The following PKNOX2 variants were observed in gnomAD, a reference collection of about 807,000 sequenced individuals.
PKNOX2 encodes the protein homeobox protein PKNOX2.
A neutral mutation model predicts 53.1 loss-of-function variants in PKNOX2; 14 were observed. The observed-to-expected ratio is 0.26, with a 90% CI of 0.17 to 0.41. PKNOX2 has a LOEUF of 0.41. PKNOX2 is among the 10% of genes least tolerant of loss of function. PKNOX2 has a pLI of 1.00. For synonymous variants in PKNOX2, 257 were observed against 242.8 expected, an observed-to-expected ratio of 1.06 and a Z score of -0.54; for missense variants, 496 against 602.8, an observed-to-expected ratio of 0.82 and a Z score of 1.85.
chr11:125,418,311 T>C (rs916640833), intron 10 of PKNOX2, among the ~76,000 whole-genome samples: 2 of 152,126 alleles, frequency 1.3e-5, no homozygotes, highest in African/African-American at 4.8e-5. Context: ...GCATATTCCA[T>C]GGTACAGATG....
At chr11:125,344,388 T>A (rs1292591470) in intron 3 of PKNOX2, among the ~76,000 whole-genome samples, 3 of 152,122 alleles carry the variant, frequency 2.0e-5, no homozygotes, top group Non-Finnish European at 4.4e-5. Context: ...GGGGGTTGGA[T>A]GGGAAGGGTC....
intron 10 of PKNOX2, among the ~76,000 whole-genome samples, chr11:125,417,280 ATCTG>A (rs908967900): frequency 6.6e-6 from 1 of 151,874 alleles, no homozygotes; most frequent in African/African-American, 2.4e-5. Flanking sequence ...CAAATATGAC[ATCTG>A]TCTGTGCTGC....
chr11:125,336,989 C>T (rs1360480573), intron 3 of PKNOX2, among the ~76,000 whole-genome samples: 4 of 149,760 alleles, frequency 2.7e-5, no homozygotes, highest in African/African-American at 7.3e-5. Flanking sequence ...TACTTTTATA[C>T]TGTATATAAT....
At chr11:125,381,524 C>G (rs943038496) in intron 5 of PKNOX2, among the ~76,000 whole-genome samples, 1 of 152,122 alleles carries the variant, frequency 6.6e-6, no homozygotes, top group African/African-American at 2.4e-5. Flanking sequence ...GATATGCCCC[C>G]ACATACATAC....
At chr11:125,221,308 G>A (rs1040512593) in intron 1 of PKNOX2, among the ~76,000 whole-genome samples, 1 of 152,180 alleles carries the variant, frequency 6.6e-6, no homozygotes, top group Non-Finnish European at 1.5e-5. Context: ...CAGTGGGAGA[G>A]GTGGATGGGA....
At chr11:125,408,349 C>T (rs933868138) in intron 7 of PKNOX2, among the ~76,000 whole-genome samples, 5 of 152,194 alleles carry the variant, frequency 3.3e-5, no homozygotes, top group Non-Finnish European at 5.9e-5. Flanking sequence ...ACGGGCTAGG[C>T]GGCTCCCACG....
At chr11:125,252,525 T>G (rs1042296705) in intron 2 of PKNOX2, among the ~76,000 whole-genome samples, 1 of 152,154 alleles carries the variant, frequency 6.6e-6, no homozygotes, top group Non-Finnish European at 1.5e-5. Flanking sequence ...GAGAGACCTG[T>G]GTACCTTTAT....
chr11:125,269,264 C>G (rs1033466752), intron 2 of PKNOX2, among the ~76,000 whole-genome samples: 3 of 152,096 alleles, frequency 2.0e-5, no homozygotes, highest in East Asian at 1.9e-4. Flanking sequence ...TCCACCTCCC[C>G]CTAGGCCCAG....
rs1174719655 is a variant in PKNOX2 at position 125,422,777 on chromosome 11, A to G, written c.937-6235A>G. 2.0e-5 allele frequency among the ~76,000 whole-genome samples: 3 copies of G among 152,306 alleles called. No homozygotes were observed. The highest frequency in any genetic ancestry group is 1.9e-4 in the East Asian group (1 of 5,174). Reference sequence around the variant, plus strand: ...GCATTCCCCAAGAAGCTTAAGACTCAGGTTAGGATAAAATGTCCCCATCAT... The same window carrying G: ...GCATTCCCCAAGAAGCTTAAGACTCGGGTTAGGATAAAATGTCCCCATCAT... On this transcript the variant is annotated intron_variant, in intron 10 of 12. Coordinates refer to ENST00000298282, the MANE Select transcript of PKNOX2 (RefSeq NM_001382323.2). The surrounding 1 kb of genome is among the most constrained non-coding windows in gnomAD (Gnocchi z 4.1).
At chr11:125,261,196 G>T (rs1356267761) in intron 2 of PKNOX2, among the ~76,000 whole-genome samples, 1 of 152,114 alleles carries the variant, frequency 6.6e-6, no homozygotes, top group Non-Finnish European at 1.5e-5. Flanking sequence ...CTGGTGAGGG[G>T]GAAAAGGGAT....
At chr11:125,372,833 A>G (rs1952629633) in intron 5 of PKNOX2, among the ~76,000 whole-genome samples, 1 of 152,204 alleles carries the variant, frequency 6.6e-6, no homozygotes, top group African/African-American at 2.4e-5. Context: ...CATCTCCCAC[A>G]CATCACAAGC....
chr11:125,433,121 C>CT lies in PKNOX2; in HGVS notation c.*1733dup, dbSNP rs914305501. 3 of 152,644 alleles carry CT rather than the reference C, an allele frequency of 2.0e-5. No individual in the cohort carries two copies. The highest frequency in any genetic ancestry group is 6.5e-5 in the Admixed American group (1 of 15,284). The allele number at this position is 152,644 out of a possible 1,614,324, so 9.5% of individuals were successfully genotyped here. A position where few individuals can be genotyped will look rare whatever the true frequency, so the allele number is the denominator to read the frequency against. On this transcript the variant is annotated 3_prime_UTR_variant, in exon 13 of 13. Coordinates refer to ENST00000298282, the MANE Select transcript of PKNOX2 (RefSeq NM_001382323.2). ...AAAGTCTAGCTTTTTTGGCGTGAGA[C>CT]TTTTGCAATGTGCAGTGGGATAAAA...
At chr11:125,283,775 A>AGT (rs1396643408) in intron 2 of PKNOX2, among the ~76,000 whole-genome samples, 3 of 152,208 alleles carry the variant, frequency 2.0e-5, no homozygotes, top group Admixed American at 6.5e-5. Context: ...GGTGGTGGGG[A>AGT]GTGGGGAAGA....
At chr11:125,230,485 T>C (rs549369334) in intron 1 of PKNOX2, among the ~76,000 whole-genome samples, 3 of 152,320 alleles carry the variant, frequency 2.0e-5, no homozygotes, top group Admixed American at 2.0e-4. Flanking sequence ...TGTTTGCTCC[T>C]GGAATGGCCC....
chr11:125,272,360 G>A (rs189673507), intron 2 of PKNOX2, among the ~76,000 whole-genome samples: 2 of 152,336 alleles, frequency 1.3e-5, no homozygotes, highest in East Asian at 3.9e-4. Flanking sequence ...GCTAAGCACA[G>A]GCACACATAT....
chr11:125,353,521 A>T (rs1387325658), intron 4 of PKNOX2, among the ~76,000 whole-genome samples: 1 of 152,216 alleles, frequency 6.6e-6, no homozygotes, highest in Non-Finnish European at 1.5e-5. Context: ...GCCCCCCAGA[A>T]GTCACCACTG....
At chr11:125,178,612 A>G (rs1372944051) in intron 1 of PKNOX2, among the ~76,000 whole-genome samples, 1 of 51,990 alleles carries the variant, frequency 1.9e-5, no homozygotes, top group African/African-American at 1.3e-4. Context: ...GAAGGAAGGA[A>G]AGAAAGAAAG....
At chr11:125,276,594 G>T (rs1230859427) in intron 2 of PKNOX2, among the ~76,000 whole-genome samples, 2 of 152,188 alleles carry the variant, frequency 1.3e-5, no homozygotes, top group Non-Finnish European at 2.9e-5. Context: ...TTGATGGGAA[G>T]ATGGGGTAGT....
At chr11:125,274,376 G>C (rs1029538125) in intron 2 of PKNOX2, among the ~76,000 whole-genome samples, 2 of 152,174 alleles carry the variant, frequency 1.3e-5, no homozygotes, top group African/African-American at 2.4e-5. Flanking sequence ...TCGCTGAGGG[G>C]TTGTGTTCCC....
Sources: gnomAD v4.1 joint callset for allele counts (sites outside exome capture counted in the v4.1 genomes callset) on GRCh38, gnomAD v4.1.1 for gene constraint, Gnocchi (gnomAD v3.1) non-coding constraint, MANE v1.5 for transcripts, NCBI Gene and HGNC (gene_info 2026-07-23, HGNC 2026-07-21) for gene names.